Variants in BCORL1 observed in about 807,000 individuals in gnomAD.
BCORL1 encodes the protein BCL6 corepressor like 1.
BCORL1 carries 7 observed loss-of-function variants against 87.6 expected under a neutral mutation model. That is an observed-to-expected ratio of 0.08 (90% CI 0.05 to 0.15). The LOEUF (loss-of-function observed/expected upper bound fraction) is 0.15. BCORL1 is among the 10% of genes least tolerant of loss of function. BCORL1 has a pLI of 1.00. For synonymous variants in BCORL1, 591 were observed against 634.4 expected (o/e 0.93, Z 1.03); for missense variants, 1,215 against 1,499.7 (o/e 0.81, Z 3.13).
At chrX:129,986,594 A>G (rs1164699108) in intron 1 of BCORL1, among the ~76,000 whole-genome samples, 4 of 111,697 alleles carry the variant, frequency 3.6e-5, no homozygotes, top group Non-Finnish European at 7.5e-5. Context: ...CAAGGCAGGC[A>G]GATCACTTGA....
At chrX:130,011,595 C>A (rs1361911224) in intron 2 of BCORL1, among the ~76,000 whole-genome samples, 9 of 32,306 alleles carry the variant, frequency 2.8e-4, no homozygotes, top group Admixed American at 2.5e-3. Flanking sequence ...TCTGATGCCA[C>A]CCTCTCCCTT....
chrX:130,013,113 C>A lies in BCORL1; in HGVS notation c.341C>A (p.Pro114His), dbSNP rs1172667160. 5 of 1,210,179 alleles carry A rather than the reference C, an allele frequency of 4.1e-6. No individual in the cohort carries two copies. ...GCAGAGGCTGAGGGCCTCTTGGTGC[C>A]CCTGAGCAGCCCAGGAGACGGGCTC... ...NVAEAEGLLV[P>H]LSSPGDGLKL... Residue 114 changes from proline to histidine, a missense_variant, in exon 4 of 14, where the codon CCC (proline) becomes CAC (histidine). Transcript: ENST00000540052.
At position 130,037,457 on chromosome X, in the gene BCORL1, C is replaced by T. The variant is rs1931024384; in HGVS notation, c.4618C>T (p.Arg1540Trp). ...GYTALHEACS[R>W]GWTDILNILL... ...CACAGCCCTGCATGAGGCTTGTTCC[C>T]GGGGCTGGACCGACATCCTGAACAT... The change falls in exon 10 of 14, where the codon CGG becomes TGG. Residue 1540 changes from arginine to tryptophan, a missense_variant. This residue lies in a region of BCORL1 where 55 missense variants were observed against 115.1 expected (regional missense o/e 0.48). Coordinates refer to ENST00000540052, the MANE Select transcript of BCORL1 (RefSeq NM_001379451.1). The T allele has an allele frequency of 2.5e-6, 3 of 1,211,683 alleles. No individual in the cohort carries two copies. The highest frequency in any genetic ancestry group is 3.0e-5 in the East Asian group (1 of 33,842).
chrX:130,033,981 CAAAAA>C (rs1271471345), intron 8 of BCORL1, among the ~76,000 whole-genome samples: 1 of 107,432 alleles, frequency 9.3e-6, no homozygotes. Flanking sequence ...GACTCGGTCT[CAAAAA>C]AAGAAAAAAA....
At chrX:130,032,733 CTATTTATTTATTTATTTATT>C (rs61204194) in intron 8 of BCORL1, among the ~76,000 whole-genome samples, 21 of 87,587 alleles carry the variant, frequency 2.4e-4, no homozygotes, top group East Asian at 6.3e-4. Context: ...AGAATCTCTT[CTATTTATTTATTTATTTATT>C]TATTTATTTA....
At chrX:130,026,444 C>T (rs1212517340) in intron 7 of BCORL1, among the ~76,000 whole-genome samples, 1 of 112,614 alleles carries the variant, frequency 8.9e-6, no homozygotes, top group Non-Finnish European at 1.9e-5. Context: ...AGAGTGGGAA[C>T]AATTCTCTTT....
At position 130,014,120 on chromosome X, in the gene BCORL1, G is replaced by A. The variant is rs1218505420; in HGVS notation, c.1348G>A (p.Val450Ile). 2 of 1,211,137 alleles carry A rather than the reference G, an allele frequency of 1.7e-6. No homozygotes were observed. Among genetic ancestry groups the A allele is most frequent in the Admixed American group, 4.3e-5 (2 of 46,005 alleles). ...AGTGCTGACCCCGAGCCAGCCGCTGGTATATATCCCGCCTCCAAGCTGTGG... is the reference window on the plus strand; with the variant it reads ...AGTGCTGACCCCGAGCCAGCCGCTGATATATATCCCGCCTCCAAGCTGTGG... Reference protein sequence around the residue: ...GTVLTPSQPLVYIPPPSCGQP... With the variant: ...GTVLTPSQPLIYIPPPSCGQP... The change falls in exon 4 of 14, where the codon GTA becomes ATA. Residue 450 changes from valine to isoleucine, a missense_variant. This residue lies in a region of BCORL1 where 861 missense variants were observed against 1,010.0 expected (regional missense o/e 0.85). Transcript: ENST00000540052.
At chrX:130,043,766 ATATATATATATATATATATTTTTT>A (rs1398002514) in intron 11 of BCORL1, among the ~76,000 whole-genome samples, 3 of 16,631 alleles carry the variant, frequency 1.8e-4, no homozygotes, top group East Asian at 1.3e-3. Flanking sequence ...ATATATATAT[ATATATATATATATATATATTTTTT>A]TTTTTTTTTT....
rs201581660 is a variant in BCORL1 at position 130,015,815 on chromosome X, G to C, written c.3043G>C (p.Asp1015His). The change falls in exon 4 of 14, where the codon GAC becomes CAC. Residue 1015 changes from aspartate (D) to histidine (H), a missense_variant. By Grantham distance (81) the Asp-to-His change is moderately conservative. This residue lies in a region of BCORL1 where 861 missense variants were observed against 1,010.0 expected (regional missense o/e 0.85). Coordinates refer to ENST00000540052, the MANE Select transcript of BCORL1 (RefSeq NM_001379451.1). ...GCCTGAGCTGCCTTTGCTACCTCAC[G>C]ACAGCCACCCCAAGGAACTTATATT... ...KMPELPLLPH[D>H]SHPKELILDV... 8.3e-7 allele frequency: 1 copy of C among 1,210,097 alleles called. No homozygotes were observed. Among genetic ancestry groups the C allele is most frequent in the Non-Finnish European group, 1.1e-6 (1 of 895,228 alleles).
Position 130,013,795 on chromosome X carries a change from G to C in BCORL1, c.1023G>C (p.Met341Ile), listed in dbSNP as rs1301164331. 1.7e-6 allele frequency: 2 copies of C among 1,169,551 alleles called. No homozygotes were observed. Among genetic ancestry groups the C allele is most frequent in the African/African-American group, 3.6e-5 (2 of 55,514 alleles). ...TCCCCACTCCGGTTCTGGCTCCCATGCCAGCATCCACGCCTCCAGCGGCCC... is the reference window on the plus strand; with the variant it reads ...TCCCCACTCCGGTTCTGGCTCCCATCCCAGCATCCACGCCTCCAGCGGCCC... ...APVPTPVLAP[M>I]PASTPPAAPA... Residue 341 changes from methionine (M) to isoleucine (I), a missense_variant, in exon 4 of 14, where the codon ATG becomes ATC. By Grantham distance (10) the Met-to-Ile change is conservative. This residue lies in a region of BCORL1 where 861 missense variants were observed against 1,010.0 expected (regional missense o/e 0.85). Transcript: ENST00000540052.
intron 4 of BCORL1, among the ~76,000 whole-genome samples, chrX:130,017,709 A>G (rs1207708805): frequency 9.3e-6 from 1 of 107,010 alleles, no homozygotes; most frequent in Non-Finnish European, 1.9e-5. Flanking sequence ...TGGCTCGATC[A>G]CAGCTCATTG....
In BCORL1 at chrX:130,014,263, C is replaced by T. The variant is rs772881627; in HGVS notation, c.1491C>T (p.Pro497=). The T allele has an allele frequency of 3.1e-5, 38 of 1,208,753 alleles. No homozygotes were observed. The highest frequency in any genetic ancestry group is 8.8e-5 in the African/African-American group (5 of 56,753). ...DRCLPGVLAS[P]ELRSYPYAFS... is the part of the protein sequence containing the mutation. ...GTCTCCCAGGCGTGCTAGCCTCCCCCGAGCTCCGTTCTTACCCGTATGCAT... is the reference window on the plus strand; with the variant it reads ...GTCTCCCAGGCGTGCTAGCCTCCCCTGAGCTCCGTTCTTACCCGTATGCAT... The change falls in exon 4 of 14, where the codon CCC becomes CCT. Residue 497 remains proline (P), a synonymous_variant. Coordinates refer to ENST00000540052, the MANE Select transcript of BCORL1 (RefSeq NM_001379451.1).
In BCORL1 at chrX:130,022,874, C is replaced by T. The variant is rs34410420; in HGVS notation, c.3608-23C>T. The T allele has an allele frequency of 8.2e-3, 9,817 of 1,191,050 alleles. 505 individuals carry two copies. The African/African-American group carries it at 0.15, about 18-fold the overall frequency. ...TGATTGTAACATTTCTGCCTTCTGT[C>T]CCCAAACCACACATCACTCCAGGTT... On this transcript the variant is annotated intron_variant, in intron 5 of 13. Transcript: ENST00000540052.
chrX:130,037,385 C>T lies in BCORL1; in HGVS notation c.4546C>T (p.Leu1516Phe). 1 of 1,211,623 alleles carries T rather than the reference C, an allele frequency of 8.3e-7. No individual in the cohort carries two copies. ...CCCACAGGATGTTGTTCTCTACTGC[C>T]TCCAGAAAGACAGTGAAGATGTGAA... ...LGYKDVVLYC[L>F]QKDSEDVNHR... Residue 1516 changes from leucine (L) to phenylalanine (F), a missense_variant, in exon 10 of 14, where the codon CTC (leucine) becomes TTC (phenylalanine). Coordinates refer to ENST00000540052, the MANE Select transcript of BCORL1 (RefSeq NM_001379451.1).
chrX:130,033,666 G>A (rs1227319239), intron 8 of BCORL1, among the ~76,000 whole-genome samples: 2 of 112,024 alleles, frequency 1.8e-5, no homozygotes, highest in Admixed American at 1.9e-4. Flanking sequence ...CTACAAGTGT[G>A]AAGCTTTAGC....
intron 11 of BCORL1, among the ~76,000 whole-genome samples, chrX:130,041,331 CTCTTA>C (rs1450104034): frequency 9.7e-6 from 1 of 103,227 alleles, no homozygotes; most frequent in Non-Finnish European, 2.0e-5. Context: ...AAACACGTTT[CTCTTA>C]TCTTTCTGTC....
intron 8 of BCORL1, among the ~76,000 whole-genome samples, chrX:130,033,344 A>G (rs1431501699): frequency 9.0e-6 from 1 of 111,051 alleles, no homozygotes; most frequent in East Asian, 2.9e-4. Flanking sequence ...TAGCCTCCCA[A>G]ACTGCTGGGA....
chrX:129,999,767 C>T (rs191869031), intron 1 of BCORL1, among the ~76,000 whole-genome samples: 9 of 109,017 alleles, frequency 8.3e-5, no homozygotes, highest in Admixed American at 5.9e-4. Context: ...CTCTGCCTCC[C>T]GGGTTCAAGC....
At chrX:129,997,301 G>A (rs1425323433) in intron 1 of BCORL1, among the ~76,000 whole-genome samples, 1 of 110,893 alleles carries the variant, frequency 9.0e-6, no homozygotes, top group Non-Finnish European at 1.9e-5. Context: ...GGCCCATGAT[G>A]GTGAAATATT....
Sources: gnomAD v4.1 joint callset for allele counts (sites outside exome capture counted in the v4.1 genomes callset) on GRCh38, gnomAD v4.1.1 for gene constraint, gnomAD v4.1.1 regional missense constraint, MANE v1.5 for transcripts, NCBI Gene and HGNC (gene_info 2026-07-23, HGNC 2026-07-21) for gene names.